Variants in CNTN4 observed in about 807,000 individuals in gnomAD.
CNTN4 encodes the protein contactin 4.
A neutral mutation model predicts 122.5 loss-of-function variants in CNTN4; 77 were observed. That is an observed-to-expected ratio of 0.63 (90% CI 0.52 to 0.76). CNTN4 has a LOEUF of 0.76. CNTN4 is among the 30% of genes least tolerant of loss of function. CNTN4 has a pLI of 0.00. For synonymous variants in CNTN4, 512 were observed against 447.0 expected, an observed-to-expected ratio of 1.15 and a Z score of -1.83; for missense variants, 1,256 against 1,259.1, an observed-to-expected ratio of 1.00 and a Z score of 0.04.
chr3:2,558,152 T>C (rs1364722617), intron 3 of CNTN4, among the ~76,000 whole-genome samples: 1 of 152,206 alleles, frequency 6.6e-6, no homozygotes, highest in Non-Finnish European at 1.5e-5. Flanking sequence ...GTTGCAAAAA[T>C]GTCAGCGTTT....
At chr3:2,603,245 A>G (rs1225089508) in intron 4 of CNTN4, among the ~76,000 whole-genome samples, 1 of 152,192 alleles carries the variant, frequency 6.6e-6, no homozygotes, top group Admixed American at 6.5e-5. Context: ...TATGCCAAAC[A>G]TGGAAGACTA....
intron 3 of CNTN4, among the ~76,000 whole-genome samples, chr3:2,501,654 C>G (rs911291072): frequency 2.0e-5 from 3 of 152,000 alleles, no homozygotes; most frequent in Non-Finnish European, 4.4e-5. Context: ...GTATTTGATC[C>G]TCTCATATCC....
intron 3 of CNTN4, among the ~76,000 whole-genome samples, chr3:2,373,876 T>C (rs1352589253): frequency 6.6e-6 from 1 of 152,222 alleles, no homozygotes; most frequent in Non-Finnish European, 1.5e-5. Context: ...TATTGGAAAT[T>C]CATTGCAACA....
chr3:2,863,891 G>A (rs530903516), intron 7 of CNTN4, among the ~76,000 whole-genome samples: 1 of 152,288 alleles, frequency 6.6e-6, no homozygotes, highest in Non-Finnish European at 1.5e-5. Flanking sequence ...GGAGGTGGGG[G>A]TAGAAAACAA....
At position 2,975,569 on chromosome 3, in the gene CNTN4, C is replaced by T. The variant is rs565493654; in HGVS notation, c.1359-12776C>T. Among the ~76,000 whole-genome samples the T allele has an allele frequency of 1.2e-3, 186 of 152,272 alleles. 2 individuals are homozygous for T. Among genetic ancestry groups the T allele is most frequent in the South Asian group, 2.1e-4 (1 of 4,826 alleles). ...AATAAACTTCTTAAGCATCTCCATG[C>T]GCCCAATACTCAACTTAGTATATTT... On this transcript the variant is annotated intron_variant, in intron 13 of 24. Coordinates refer to ENST00000418658, the MANE Select transcript of CNTN4 (RefSeq NM_175607.3).
chr3:2,647,702 G>A, intron 4 of CNTN4, among the ~76,000 whole-genome samples: 1 of 152,126 alleles, frequency 6.6e-6, no homozygotes, highest in East Asian at 1.9e-4. Context: ...ATCTGTAAAA[G>A]GGGACATATT....
chr3:2,358,567 C>T (rs2044973984), intron 3 of CNTN4, among the ~76,000 whole-genome samples: 1 of 151,884 alleles, frequency 6.6e-6, no homozygotes, highest in African/African-American at 2.4e-5. Flanking sequence ...ATAAGGAGGA[C>T]ATGCTTTCCA....
intron 3 of CNTN4, among the ~76,000 whole-genome samples, chr3:2,366,798 CA>C: frequency 6.6e-6 from 1 of 151,044 alleles, no homozygotes. Flanking sequence ...AAAAATCTAC[CA>C]AACCTTGGAT....
chr3:2,964,544 A>C (rs1168582926), intron 13 of CNTN4, among the ~76,000 whole-genome samples: 1 of 152,176 alleles, frequency 6.6e-6, no homozygotes, highest in African/African-American at 2.4e-5. Flanking sequence ...AATAAAATGC[A>C]GAATCTGATT....
intron 6 of CNTN4, among the ~76,000 whole-genome samples, chr3:2,765,408 T>C (rs935120479): frequency 6.6e-5 from 10 of 152,192 alleles, no homozygotes; most frequent in South Asian, 2.1e-4. Context: ...ACATTTCTCC[T>C]GGCTCCCCTT....
intron 4 of CNTN4, among the ~76,000 whole-genome samples, chr3:2,720,600 A>T (rs1035324951): frequency 2.0e-5 from 3 of 152,190 alleles, no homozygotes; most frequent in African/African-American, 7.2e-5. Flanking sequence ...ATCTTATTCC[A>T]TCTAGACCAC....
At chr3:2,347,993 T>C (rs1053258172) in intron 3 of CNTN4, among the ~76,000 whole-genome samples, 13 of 152,218 alleles carry the variant, frequency 8.5e-5, no homozygotes, top group African/African-American at 2.4e-4. Context: ...TTTCTTTTAC[T>C]GTGCCAACTG....
intron 3 of CNTN4, among the ~76,000 whole-genome samples, chr3:2,539,043 A>G (rs1293282996): frequency 6.6e-6 from 1 of 152,012 alleles, no homozygotes; most frequent in East Asian, 1.9e-4. Context: ...GCTTTAAGCT[A>G]TTGGAATTTG....
chr3:2,972,655 C>G (rs1048789143), intron 13 of CNTN4, among the ~76,000 whole-genome samples: 1 of 151,968 alleles, frequency 6.6e-6, no homozygotes, highest in Non-Finnish European at 1.5e-5. Flanking sequence ...TACAAAAGCC[C>G]CATTTACCAG....
At chr3:2,374,845 C>A (rs1031828037) in intron 3 of CNTN4, among the ~76,000 whole-genome samples, 1 of 152,146 alleles carries the variant, frequency 6.6e-6, no homozygotes, top group African/African-American at 2.4e-5. Context: ...CTTAGCAATG[C>A]TAATCACGTG....
intron 2 of CNTN4, among the ~76,000 whole-genome samples, chr3:2,163,272 A>T (rs1448974402): frequency 6.6e-6 from 1 of 152,210 alleles, no homozygotes; most frequent in East Asian, 1.9e-4. Context: ...TTATTCAATA[A>T]ATGGTGCAGG....
chr3:3,047,449 A>T (rs1700778599), intron 23 of CNTN4, among the ~76,000 whole-genome samples: 1 of 152,096 alleles, frequency 6.6e-6, no homozygotes, highest in African/African-American at 2.4e-5. Flanking sequence ...AGTGCGATCA[A>T]ACTAGAACTC....
intron 4 of CNTN4, among the ~76,000 whole-genome samples, chr3:2,668,430 G>A (rs577699937): frequency 1.3e-5 from 2 of 152,132 alleles, no homozygotes; most frequent in African/African-American, 2.4e-5. Flanking sequence ...TGTGATTTTT[G>A]CACATTGATT....
chr3:2,889,534 T>C (rs753958584), intron 10 of CNTN4, among the ~76,000 whole-genome samples: 1 of 152,230 alleles, frequency 6.6e-6, no homozygotes, highest in Non-Finnish European at 1.5e-5. Flanking sequence ...GCTATGGCTG[T>C]GTATTTTTAA....
Sources: allele counts gnomAD v4.1 joint callset (sites outside exome capture counted in the v4.1 genomes callset), GRCh38; gene constraint gnomAD v4.1.1; transcripts MANE v1.5; gene names NCBI Gene and HGNC (gene_info 2026-07-23, HGNC 2026-07-21).